UBAP2L: variants seen among roughly 807,000 people sequenced by gnomAD.
UBAP2L encodes the protein ubiquitin-associated protein 2-like.
A neutral mutation model predicts 130.6 loss-of-function variants in UBAP2L; 12 were observed. That is an observed-to-expected ratio of 0.09 (90% CI 0.06 to 0.15). UBAP2L has a LOEUF of 0.15. Among genes scored for constraint, UBAP2L ranks in the 10% least tolerant of loss-of-function variants. The probability of loss-of-function intolerance (pLI) is 1.00; values close to 1 mark genes in which losing one functional copy is unlikely to be tolerated. For synonymous variants in UBAP2L, 503 were observed against 524.7 expected (o/e 0.96, Z 0.57); for missense variants, 965 against 1,332.5 (o/e 0.72, Z 4.29).
At chr1:154,220,370 A>G (rs2148350473), upstream of UBAP2L, 3 of 1,614,210 alleles carry the variant, frequency 1.9e-6, no homozygotes, top group Non-Finnish European at 2.5e-6. Flanking sequence ...CACCAGCACG[A>G]CATTCACCCC....
chr1:154,227,163 A>T, intron 2 of UBAP2L, 119 bp from the exon 3 acceptor site: 1 of 811,608 alleles, frequency 1.2e-6, no homozygotes, highest in Non-Finnish European at 2.1e-6. Flanking sequence ...GTGCTTTATT[A>T]CTTGCTCATT....
intron 20 of UBAP2L, 101 bp downstream of exon 20, chr1:154,257,535 C>G (rs558163890): frequency 3.2e-6 from 4 of 1,268,946 alleles, no homozygotes; most frequent in Non-Finnish European, 4.5e-6. Flanking sequence ...CCAAAACTTG[C>G]ACATACTCAA....
At chr1:154,239,514 T>G (rs1672791740) in intron 8 of UBAP2L, among the ~76,000 whole-genome samples, 1 of 152,234 alleles carries the variant, frequency 6.6e-6, no homozygotes. Context: ...CTGATTGCTT[T>G]CTGCTAATGG....
At chr1:154,231,872 C>T (rs919668087) in intron 4 of UBAP2L, among the ~76,000 whole-genome samples, 7 of 152,162 alleles carry the variant, frequency 4.6e-5, no homozygotes, top group African/African-American at 1.7e-4. Flanking sequence ...CAACATGCTT[C>T]CCTTAAAGGA....
chr1:154,227,201 G>A, intron 2 of UBAP2L, 81 bp from the exon 3 acceptor site: 1 of 1,233,706 alleles, frequency 8.1e-7, no homozygotes, highest in Non-Finnish European at 1.2e-6. Context: ...AATTGGGGCA[G>A]TGGAGGCTGA....
intron 24 of UBAP2L, chr1:154,263,413 G>C (rs1270601575): frequency 2.4e-6 from 3 of 1,243,208 alleles, no homozygotes; most frequent in Non-Finnish European, 3.0e-6. Flanking sequence ...GCACACACCT[G>C]CTGTTGCTTT....
chr1:154,251,414 G>C lies in UBAP2L; in HGVS notation c.1492-67G>C. On this transcript the variant is annotated intron_variant, in intron 13 of 26. Coordinates refer to ENST00000428931, the MANE Select transcript of UBAP2L (RefSeq NM_014847.4). ...GTAAGTTTGGAAATTTAAAGGGAAGGGTTTTTTTTAGTCTTTAGTAAGGTT... is the reference window on the plus strand; with the variant it reads ...GTAAGTTTGGAAATTTAAAGGGAAGCGTTTTTTTTAGTCTTTAGTAAGGTT... The C allele has an allele frequency of 1.9e-6, 3 of 1,576,150 alleles. No individual in the cohort carries two copies. The Middle Eastern group carries it at 5.4e-4, about 285-fold the overall frequency.
In UBAP2L at chr1:154,269,238, C is replaced by T. The variant is rs1045404851; in HGVS notation, c.3168+284C>T. 3 of 1,033,070 alleles carry T rather than the reference C, an allele frequency of 2.9e-6. No homozygotes were observed. In the East Asian group the frequency reaches 8.6e-5, roughly 30 times the overall value. The allele number at this position is 1,033,070 out of a possible 1,614,324, so 64.0% of individuals were successfully genotyped here. A position where few individuals can be genotyped will look rare whatever the true frequency, so the allele number is the denominator to read the frequency against. On this transcript the variant is annotated intron_variant, in intron 26 of 26. Transcript: ENST00000428931. ...TCCTCATCCCATCAGACCTGGGTCA[C>T]ACCTTCCCTCTTTCCTCTCCCAGCC... is the stretch of plus-strand genomic sequence containing the variant.
chr1:154,266,413 A>G (rs1226161182), intron 24 of UBAP2L, 88 bp from the exon 25 acceptor site: 9 of 1,393,044 alleles, frequency 6.5e-6, no homozygotes, highest in South Asian at 5.8e-5. Context: ...TGGTATAGCT[A>G]GAAAGGCTAC....
upstream of UBAP2L, chr1:154,220,526 G>C (rs1055161232): frequency 2.7e-6 from 3 of 1,112,718 alleles, no homozygotes; most frequent in Admixed American, 3.7e-5. Context: ...ATTTCCTTAC[G>C]GGGGAAGACC....
rs1377924211 is a variant in UBAP2L at position 154,251,781 on chromosome 1, T to G, written c.1664+128T>G. On this transcript the variant is annotated intron_variant, in intron 14 of 26. Coordinates refer to ENST00000428931, the MANE Select transcript of UBAP2L (RefSeq NM_014847.4). The stretch of plus-strand genomic sequence containing the variant: ...GGCTGAGGGGGAAAGTAGTCAGTCA[T>G]AGCATTTTTAGTGCTTTAAAATATT... The G allele has an allele frequency of 1.5e-5, 15 of 1,008,960 alleles. 1 individual carries two copies. In the South Asian group the frequency reaches 1.7e-4, roughly 11 times the overall value. 62.5% of individuals were successfully genotyped at this position (1,008,960 alleles called of 1,614,324 possible). A position where few individuals can be genotyped will look rare whatever the true frequency, so the allele number is the denominator to read the frequency against.
At chr1:154,270,035 A>G (rs139980449) in intron 26 of UBAP2L, among the ~76,000 whole-genome samples, 165 bp from the exon 27 acceptor site, 18 of 152,096 alleles carry the variant, frequency 1.2e-4, no homozygotes, top group African/African-American at 3.9e-4. Context: ...TGCTTGTAAG[A>G]AAGGGGCTTT....
intron 14 of UBAP2L, among the ~76,000 whole-genome samples, chr1:154,253,282 A>G (rs1204719949): frequency 1.6e-4 from 24 of 151,662 alleles, no homozygotes; most frequent in Non-Finnish European, 1.2e-4. Context: ...GATTACAGGC[A>G]TGAGCCACGG....
chr1:154,229,812 G>A (rs563173385), intron 4 of UBAP2L, among the ~76,000 whole-genome samples: 1 of 152,272 alleles, frequency 6.6e-6, no homozygotes, highest in East Asian at 1.9e-4. Flanking sequence ...TTATACTGGG[G>A]CTCTTTGGTT....
intron 25 of UBAP2L, among the ~76,000 whole-genome samples, chr1:154,267,151 GTTTT>G (rs36051247): frequency 1.8e-5 from 2 of 108,626 alleles, no homozygotes; most frequent in East Asian, 6.0e-4. Context: ...TATCCAACGA[GTTTT>G]TTTTTTTTTT....
upstream of UBAP2L, chr1:154,220,654 G>C (rs145904287): frequency 2.8e-4 from 158 of 568,632 alleles, no homozygotes; most frequent in African/African-American, 2.6e-3. Context: ...CAGGAGCGTC[G>C]AGCGCTCAGA....
intron 4 of UBAP2L, among the ~76,000 whole-genome samples, chr1:154,229,020 A>G (rs904496490): frequency 3.3e-5 from 5 of 152,186 alleles, no homozygotes; most frequent in African/African-American, 1.2e-4. Context: ...CTGTGGGGTT[A>G]GGCTGAATTA....
In UBAP2L at chr1:154,258,989, G is replaced by C; in HGVS notation, c.2455G>C (p.Gly819Arg). 6.2e-7 allele frequency: 1 copy of C among 1,613,928 alleles called. No homozygotes were observed. The highest frequency in any genetic ancestry group is 8.5e-7 in the Non-Finnish European group (1 of 1,179,900). Reference protein sequence around the residue: ...LLHAYPPQVYGYDDLQMLQTR... With the variant: ...LLHAYPPQVYRYDDLQMLQTR... The stretch of plus-strand genomic sequence containing the variant: ...CTGTATCTTTCAGCCACAAGTATAT[G>C]GTTATGATGACTTGCAGATGCTTCA... The change falls in exon 21 of 27, where the codon GGT (glycine) becomes CGT (arginine). Residue 819 changes from glycine to arginine, a missense_variant. Around this residue, in one of 9 missense-constraint regions of UBAP2L, gnomAD observed 393 missense variants for 408.1 expected, o/e 0.96. Coordinates refer to ENST00000428931, the MANE Select transcript of UBAP2L (RefSeq NM_014847.4).
At chr1:154,266,660 C>T (rs1267321243) in intron 25 of UBAP2L, 92 bp downstream of exon 25, 1 of 1,349,754 alleles carries the variant, frequency 7.4e-7, no homozygotes. Context: ...CAAGAAGAAC[C>T]CTAGGAGAGG....
Sources: gnomAD v4.1 joint callset for allele counts (sites outside exome capture counted in the v4.1 genomes callset) on GRCh38, gnomAD v4.1.1 for gene constraint, gnomAD v4.1.1 regional missense constraint, MANE v1.5 for transcripts, NCBI Gene and HGNC (gene_info 2026-07-23, HGNC 2026-07-21) for gene names.